GTF2H3: variants seen among roughly 807,000 people sequenced by gnomAD.
GTF2H3 encodes TFIIH basal transcription factor complex p34 subunit.
Under a neutral mutation model 51.1 loss-of-function variants are expected in GTF2H3, and 42 were observed. The ratio of observed to expected loss-of-function variants is 0.82; its 90% confidence interval spans 0.64 to 1.06. The LOEUF (loss-of-function observed/expected upper bound fraction) is 1.06, where lower values mean the gene tolerates loss of function less well. GTF2H3 is among the 50% of genes least tolerant of loss of function. The pLI, the probability that GTF2H3 is intolerant of heterozygous loss-of-function variation, is 0.00. For synonymous variants in GTF2H3, 123 were observed against 123.8 expected (o/e 0.99, Z 0.04); for missense variants, 326 against 366.1 (o/e 0.89, Z 0.89).
chr12:123,634,586 A>T (rs1311687575), intron 1 of GTF2H3, among the ~76,000 whole-genome samples: 6 of 152,226 alleles, frequency 3.9e-5, no homozygotes, highest in Admixed American at 3.9e-4. Flanking sequence ...AGTGCAGGAT[A>T]TTGAAACCGA....
At chr12:123,654,660 G>A (rs899582394) in intron 7 of GTF2H3, among the ~76,000 whole-genome samples, 9 of 151,986 alleles carry the variant, frequency 5.9e-5, no homozygotes, top group Non-Finnish European at 8.8e-5. Context: ...TTTATTTTGT[G>A]TATGTGTGTG....
At chr12:123,659,670 GTGC>G in intron 10 of GTF2H3, 86 bp downstream of exon 10, 2 of 1,480,258 alleles carry the variant, frequency 1.4e-6, no homozygotes, top group Non-Finnish European at 1.9e-6. Flanking sequence ...AAGATGGCTG[GTGC>G]TAGTACTCAG....
intron 9 of GTF2H3, 87 bp from the exon 10 acceptor site, chr12:123,659,429 G>C (rs182585779): frequency 3.1e-4 from 283 of 904,462 alleles, no homozygotes; most frequent in Non-Finnish European, 4.7e-4. Context: ...TGATTTTGTA[G>C]GCCCAAGGCA....
intron 2 of GTF2H3, among the ~76,000 whole-genome samples, chr12:123,643,017 A>G (rs1451563621): frequency 6.6e-6 from 1 of 152,126 alleles, no homozygotes; most frequent in Non-Finnish European, 1.5e-5. Flanking sequence ...GACTACAGGC[A>G]CACGTCACCA....
intron 4 of GTF2H3, among the ~76,000 whole-genome samples, chr12:123,648,732 C>T (rs900044593): frequency 2.6e-5 from 4 of 152,202 alleles, no homozygotes; most frequent in East Asian, 1.9e-4. Context: ...TGCTCACATC[C>T]GACATCTAAT....
rs1217700152 is a variant in GTF2H3, at chr12:123,661,348, T to C, written c.*1113T>C. On this transcript the variant is annotated 3_prime_UTR_variant, in exon 13 of 13. Transcript: ENST00000543341. Reference sequence around the variant, plus strand: ...GCTGGTTTGGTTTGTTTTTTAAAAATGTTTACTGACGAGGCCGGGCGTGGT... The same window carrying C: ...GCTGGTTTGGTTTGTTTTTTAAAAACGTTTACTGACGAGGCCGGGCGTGGT... The C allele has an allele frequency of 6.6e-6, 1 of 151,760 alleles. No individual in the cohort carries two copies. The highest frequency in any genetic ancestry group is 1.5e-5 in the Non-Finnish European group (1 of 67,966). The allele number at this position is 151,760 out of a possible 1,614,324, so 9.4% of individuals were successfully genotyped here.
intron 2 of GTF2H3, 71 bp from the exon 3 acceptor site, chr12:123,645,384 A>C: frequency 1.2e-6 from 1 of 848,200 alleles, no homozygotes; most frequent in Admixed American, 1.9e-5. Context: ...CGACATCTTA[A>C]TTATGTCAAG....
Position 123,659,565 on chromosome 12 carries a change from C to G in GTF2H3, c.665C>G (p.Ser222Cys), listed in dbSNP as rs1343883557. ...TACCTGAAGGTGCCTCAGATGCCTTCTCTTCTGCAGTATTTGCTGGTAAGG... is the reference window on the plus strand; with the variant it reads ...TACCTGAAGGTGCCTCAGATGCCTTGTCTTCTGCAGTATTTGCTGGTAAGG... ...GLYLKVPQMP[S>C]LLQYLLWVFL... Residue 222 changes from serine to cysteine, a missense_variant, in exon 10 of 13, where the codon TCT becomes TGT. Physicochemically the swap from Ser to Cys is moderately radical, Grantham distance 112. Transcript: ENST00000543341. 1 of 1,613,900 alleles carries G rather than the reference C, an allele frequency of 6.2e-7. No homozygotes were observed. The highest frequency in any genetic ancestry group is 8.5e-7 in the Non-Finnish European group (1 of 1,179,982).
chr12:123,657,210 T>C (rs140471739), intron 9 of GTF2H3, among the ~76,000 whole-genome samples: 1 of 152,296 alleles, frequency 6.6e-6, no homozygotes, highest in East Asian at 1.9e-4. Context: ...CAATTACTTT[T>C]GCACCAACCT....
intron 1 of GTF2H3, among the ~76,000 whole-genome samples, chr12:123,637,196 T>C (rs1370397909): frequency 1.3e-5 from 2 of 152,108 alleles, no homozygotes; most frequent in African/African-American, 2.4e-5. Flanking sequence ...CTTTGAGGGG[T>C]TGGACCCAGT....
intron 4 of GTF2H3, chr12:123,648,386 A>T (rs756557274): frequency 3.8e-6 from 1 of 264,024 alleles, no homozygotes; most frequent in African/African-American, 2.2e-5. Context: ...TTCTTGAAAC[A>T]TTATTTCATA....
At position 123,650,923 on chromosome 12, in the gene GTF2H3, T is replaced by TA. The variant is rs1955511978; in HGVS notation, c.365-68dup. The TA allele has an allele frequency of 7.0e-5, 66 of 946,724 alleles. No homozygotes were observed. In the South Asian group the frequency reaches 8.7e-4, roughly 13 times the overall value. The allele number at this position is 946,724 out of a possible 1,614,324, so 58.6% of individuals were successfully genotyped here. A position where few individuals can be genotyped will look rare whatever the true frequency, so the allele number is the denominator to read the frequency against. On this transcript the variant is annotated intron_variant, in intron 4 of 12. Transcript: ENST00000543341. ...TGGTGTGAAAGCATACTTAGTTCAA[T>TA]AAAGCACCCAATGATTTTAGTTCAA...
chr12:123,640,227 C>G (rs1955349780), intron 2 of GTF2H3, among the ~76,000 whole-genome samples: 1 of 152,072 alleles, frequency 6.6e-6, no homozygotes, highest in African/African-American at 2.4e-5. Context: ...CCTGTCTGTA[C>G]TCCCAGGCAA....
chr12:123,635,246 C>T (rs945420358), intron 1 of GTF2H3, among the ~76,000 whole-genome samples: 2 of 152,104 alleles, frequency 1.3e-5, no homozygotes, highest in African/African-American at 4.8e-5. Context: ...GTGTGATTTA[C>T]ACATTTTTTT....
At chr12:123,654,851 A>G in intron 7 of GTF2H3, 73 bp from the exon 8 acceptor site, 2 of 971,856 alleles carry the variant, frequency 2.1e-6, no homozygotes, top group Admixed American at 1.7e-5. Context: ...TGTGGTTCGC[A>G]GTATATTGTG....
At chr12:123,650,699 C>G (rs942227625) in intron 4 of GTF2H3, among the ~76,000 whole-genome samples, 1 of 152,190 alleles carries the variant, frequency 6.6e-6, no homozygotes, top group Non-Finnish European at 1.5e-5. Flanking sequence ...TTCATCTTTA[C>G]AAACTGAAAT....
At chr12:123,646,489 T>C (rs1302575196) in intron 3 of GTF2H3, among the ~76,000 whole-genome samples, 1 of 152,192 alleles carries the variant, frequency 6.6e-6, no homozygotes, top group East Asian at 1.9e-4. Context: ...CTTGCTCTCC[T>C]GGGCTCAAGC....
chr12:123,647,879 G>T (rs1041327978), intron 3 of GTF2H3, 84 bp from the exon 4 acceptor site: 1 of 833,760 alleles, frequency 1.2e-6, no homozygotes, highest in Admixed American at 2.9e-5. Context: ...TTTGTTTGTT[G>T]CCTCTGCTGA....
Position 123,662,159 on chromosome 12 carries a change from CTGT to C in GTF2H3, c.*1925_*1927del, listed in dbSNP as rs1955666627. 2 of 144,654 alleles carry C rather than the reference CTGT, an allele frequency of 1.4e-5. No homozygotes were observed. Among genetic ancestry groups the C allele is most frequent in the African/African-American group, 2.5e-5 (1 of 39,420 alleles). The allele number at this position is 144,654 out of a possible 1,614,324, so 9.0% of individuals were successfully genotyped here. On this transcript the variant is annotated 3_prime_UTR_variant, in exon 13 of 13. Transcript: ENST00000543341. ...TCAAAAAAAAAAAAAAAAAAAAAGT[CTGT>C]ACTGATAAAACCCATTGTGTACAAA...
Sources: allele counts gnomAD v4.1 joint callset (sites outside exome capture counted in the v4.1 genomes callset), GRCh38; gene constraint gnomAD v4.1.1; transcripts MANE v1.5; gene names NCBI Gene and HGNC (gene_info 2026-07-23, HGNC 2026-07-21).